FBXL7: variants seen among roughly 807,000 people sequenced by gnomAD.
FBXL7 encodes the protein F-box and leucine rich repeat protein 7.
In FBXL7, 12 loss-of-function variants were observed where a neutral mutation model predicts 38.3. The observed-to-expected ratio is 0.31, with a 90% CI of 0.20 to 0.51. The LOEUF (loss-of-function observed/expected upper bound fraction) is 0.51, where lower values mean the gene tolerates loss of function less well. Ranked by LOEUF, FBXL7 falls within the 20% of genes least tolerant of loss-of-function variation. The probability of loss-of-function intolerance (pLI) is 0.98; values close to 1 mark genes in which losing one functional copy is unlikely to be tolerated. For synonymous variants in FBXL7, 297 were observed against 300.9 expected, an observed-to-expected ratio of 0.99 and a Z score of 0.13; for missense variants, 567 against 676.4, an observed-to-expected ratio of 0.84 and a Z score of 1.79.
At chr5:15,679,938 T>A (rs1039425504) in intron 2 of FBXL7, among the ~76,000 whole-genome samples, 1 of 152,232 alleles carries the variant, frequency 6.6e-6, no homozygotes, top group Admixed American at 6.5e-5. Context: ...GAGGTAGGTT[T>A]ATTTCCATTT....
At chr5:15,866,717 T>C (rs1739731701) in intron 2 of FBXL7, among the ~76,000 whole-genome samples, 2 of 138,940 alleles carry the variant, frequency 1.4e-5, no homozygotes, top group Non-Finnish European at 1.5e-5. Flanking sequence ...TGTGTCCATG[T>C]GTTCTCATTG....
intron 2 of FBXL7, among the ~76,000 whole-genome samples, chr5:15,653,192 T>C (rs545276978): frequency 6.6e-6 from 1 of 152,320 alleles, no homozygotes; most frequent in African/African-American, 2.4e-5. Flanking sequence ...AACTTTGAAA[T>C]ATTGTGAGAA....
chr5:15,801,679 TTGTGTGTG>T (rs765733185), intron 2 of FBXL7, among the ~76,000 whole-genome samples: 2 of 141,206 alleles, frequency 1.4e-5, no homozygotes, highest in Admixed American at 1.4e-4. Context: ...GTGTGTGTGT[TTGTGTGTG>T]TGTGTGTGTT....
chr5:15,605,787 A>G (rs1227877161), intron 1 of FBXL7, among the ~76,000 whole-genome samples: 1 of 152,220 alleles, frequency 6.6e-6, no homozygotes, highest in African/African-American at 2.4e-5. Flanking sequence ...CAAGCACCCT[A>G]AACCAGATCT....
In FBXL7 at chr5:15,887,594, C is replaced by A. The variant is rs73062477; in HGVS notation, c.128-40296C>A. 5.1e-3 allele frequency among the ~76,000 whole-genome samples: 772 copies of A among 152,232 alleles called. 11 individuals carry two copies. Among genetic ancestry groups the A allele is most frequent in the African/African-American group, 0.018 (732 of 41,534 alleles). Reference sequence around the variant, plus strand: ...AACAAGTATAAATATTGGCCCTCTGCGCTTCTAAGCTTTGTTAAGGTGTAT... The same window carrying A: ...AACAAGTATAAATATTGGCCCTCTGAGCTTCTAAGCTTTGTTAAGGTGTAT... On this transcript the variant is annotated intron_variant, in intron 2 of 3. Transcript: ENST00000504595.
chr5:15,506,181 T>C (rs1382735515), intron 1 of FBXL7, among the ~76,000 whole-genome samples: 1 of 152,132 alleles, frequency 6.6e-6, no homozygotes, highest in Non-Finnish European at 1.5e-5. Flanking sequence ...CTTGGTCTAT[T>C]TTAATTGCCA....
At chr5:15,667,446 A>C (rs1024221994) in intron 2 of FBXL7, among the ~76,000 whole-genome samples, 1 of 152,154 alleles carries the variant, frequency 6.6e-6, no homozygotes, top group Admixed American at 6.5e-5. Context: ...TTATTCCTGG[A>C]AAGGAATACT....
intron 1 of FBXL7, among the ~76,000 whole-genome samples, chr5:15,595,040 A>G (rs1157765451): frequency 6.6e-6 from 1 of 152,216 alleles, no homozygotes; most frequent in Non-Finnish European, 1.5e-5. Flanking sequence ...CATCAGCAGC[A>G]GTAAACTTCT....
chr5:15,872,053 C>T (rs1018830600), intron 2 of FBXL7, among the ~76,000 whole-genome samples: 1 of 152,096 alleles, frequency 6.6e-6, no homozygotes, highest in Non-Finnish European at 1.5e-5. Context: ...TCGGGTTACC[C>T]ACAAAGGGAA....
intron 2 of FBXL7, among the ~76,000 whole-genome samples, chr5:15,703,175 T>G (rs560199110): frequency 6.6e-6 from 1 of 152,338 alleles, no homozygotes; most frequent in Admixed American, 6.5e-5. Flanking sequence ...CTTACACAAA[T>G]GCTAAATTTG....
At chr5:15,746,280 C>T (rs1302687627) in intron 2 of FBXL7, among the ~76,000 whole-genome samples, 3 of 152,030 alleles carry the variant, frequency 2.0e-5, no homozygotes, top group South Asian at 2.1e-4. Context: ...CCAAGGGGAG[C>T]GGTAGAGTCG....
chr5:15,617,421 A>ACATT lies in FBXL7; in HGVS notation c.127+1350_127+1353dup, dbSNP rs1217455291. ...TACAAATCTCGTTAACTGATTCTAG[A>ACATT]CATTTATTTATTTATTTATTTATTT... On this transcript the variant is annotated intron_variant, in intron 2 of 3. Coordinates refer to ENST00000504595, the MANE Select transcript of FBXL7 (RefSeq NM_012304.5). Among the ~76,000 whole-genome samples, 3 of 141,062 alleles carry ACATT rather than the reference A, an allele frequency of 2.1e-5. No homozygotes were observed. The East Asian group carries it at 6.3e-4, about 30-fold the overall frequency. The allele number at this position is 141,062 out of a possible 152,430, so 92.5% of individuals were successfully genotyped here. A position where few individuals can be genotyped will look rare whatever the true frequency, so the allele number is the denominator to read the frequency against.
At chr5:15,877,650 TAATA>T (rs1579558012) in intron 2 of FBXL7, among the ~76,000 whole-genome samples, 1 of 152,180 alleles carries the variant, frequency 6.6e-6, no homozygotes, top group East Asian at 1.9e-4. Flanking sequence ...TAGAGGAAAT[TAATA>T]AAGCAAAGAG....
intron 2 of FBXL7, among the ~76,000 whole-genome samples, chr5:15,808,411 T>C (rs1267008614): frequency 6.6e-6 from 1 of 152,128 alleles, no homozygotes; most frequent in African/African-American, 2.4e-5. Flanking sequence ...GGACTTGCGA[T>C]AGCCAATGAG....
intron 1 of FBXL7, among the ~76,000 whole-genome samples, chr5:15,543,672 G>A (rs1479179697): frequency 6.6e-6 from 1 of 152,172 alleles, no homozygotes; most frequent in Non-Finnish European, 1.5e-5. Flanking sequence ...ACAAGTCAGG[G>A]TCTGGTTATC....
chr5:15,556,878 A>G lies in FBXL7; in HGVS notation c.37+56165A>G, dbSNP rs1378095486. On this transcript the variant is annotated intron_variant, in intron 1 of 3. Coordinates refer to ENST00000504595, the MANE Select transcript of FBXL7 (RefSeq NM_012304.5). The stretch of plus-strand genomic sequence containing the variant: ...GCCACTATCTTTTTTGTTTAGAGCT[A>G]GAGTTTAAGTGGTGTTTTAAAGCCA... Among the ~76,000 whole-genome samples the G allele has an allele frequency of 3.9e-5, 6 of 152,178 alleles. No individual in the cohort carries two copies. In the East Asian group the frequency reaches 1.2e-3, roughly 29 times the overall value.
intron 2 of FBXL7, among the ~76,000 whole-genome samples, chr5:15,706,147 A>AATC (rs1479226955): frequency 1.3e-5 from 2 of 152,188 alleles, no homozygotes; most frequent in African/African-American, 2.4e-5. Context: ...TCTCTGTCTA[A>AATC]ATCTTACGTT....
chr5:15,840,253 A>T (rs1364419815), intron 2 of FBXL7, among the ~76,000 whole-genome samples: 1 of 152,098 alleles, frequency 6.6e-6, no homozygotes, highest in Non-Finnish European at 1.5e-5. Flanking sequence ...TGTGCTTTTT[A>T]TTCTGTCTCA....
intron 2 of FBXL7, among the ~76,000 whole-genome samples, chr5:15,677,551 G>T (rs1012820955): frequency 6.6e-6 from 1 of 151,708 alleles, no homozygotes; most frequent in Non-Finnish European, 1.5e-5. Flanking sequence ...AGGAAAGGAA[G>T]GAAGGAAGGA....
Sources: allele counts gnomAD v4.1 joint callset (sites outside exome capture counted in the v4.1 genomes callset), GRCh38; gene constraint gnomAD v4.1.1; transcripts MANE v1.5; gene names NCBI Gene and HGNC (gene_info 2026-07-23, HGNC 2026-07-21).